Variants in ERC1 observed in about 807,000 individuals in gnomAD.
ERC1 encodes the protein RAB6 interacting protein 2.
A neutral mutation model predicts 132.0 loss-of-function variants in ERC1; 56 were observed. The observed-to-expected ratio is 0.42, with a 90% CI of 0.34 to 0.53. ERC1 has a LOEUF of 0.53. Ranked by LOEUF, ERC1 falls within the 20% of genes least tolerant of loss-of-function variation. The pLI is 0.03. For synonymous variants in ERC1, 478 were observed against 476.1 expected (o/e 1.00, Z -0.05); for missense variants, 1,202 against 1,349.9 (o/e 0.89, Z 1.72).
rs370438183 is a variant in ERC1, at chr12:1,255,374, G to A, written c.2488-7660G>A. On this transcript the variant is annotated intron_variant, in intron 13 of 18. Transcript: ENST00000360905. ...TGGACATTTAGGTTGGTTCCAAGTC[G>A]TTGCTATTGTGAACCGTGCCACAAT... Among the ~76,000 whole-genome samples the A allele has an allele frequency of 1.6e-4, 24 of 152,068 alleles. No homozygotes were observed. In the East Asian group the frequency reaches 4.1e-3, roughly 26 times the overall value.
At chr12:1,394,794 T>G (rs893350710) in intron 16 of ERC1, among the ~76,000 whole-genome samples, 1 of 152,216 alleles carries the variant, frequency 6.6e-6, no homozygotes, top group African/African-American at 2.4e-5. Context: ...CTGAGTCAAT[T>G]GAACCAATTT....
intron 12 of ERC1, among the ~76,000 whole-genome samples, chr12:1,209,717 T>G (rs1045934591): frequency 6.6e-6 from 1 of 152,214 alleles, no homozygotes; most frequent in African/African-American, 2.4e-5. Context: ...TTTTTCTACC[T>G]TTCGAAAAGC....
intron 15 of ERC1, among the ~76,000 whole-genome samples, chr12:1,342,641 A>G (rs765444317): frequency 2.8e-4 from 42 of 152,176 alleles, no homozygotes; most frequent in Non-Finnish European, 5.6e-4. Context: ...GCTAGCTCTT[A>G]AAGGATAAAT....
At chr12:1,131,754 G>A (rs903979878) in intron 7 of ERC1, among the ~76,000 whole-genome samples, 53 of 152,252 alleles carry the variant, frequency 3.5e-4, no homozygotes, top group African/African-American at 1.0e-3. Context: ...GTGAGCCACC[G>A]CGCCCAGCCA....
At chr12:1,465,152 C>T (rs1053495189) in intron 18 of ERC1, among the ~76,000 whole-genome samples, 1 of 152,142 alleles carries the variant, frequency 6.6e-6, no homozygotes, top group African/African-American at 2.4e-5. Flanking sequence ...TCGCCAGTGT[C>T]ATCTTCCAGA....
chr12:1,141,084 C>T (rs1287373462), intron 7 of ERC1, among the ~76,000 whole-genome samples: 3 of 152,126 alleles, frequency 2.0e-5, no homozygotes, highest in African/African-American at 7.2e-5. Flanking sequence ...CATTAAACTT[C>T]AGGGATAAAG....
At chr12:1,288,889 G>T (rs1433835603) in intron 14 of ERC1, among the ~76,000 whole-genome samples, 1 of 152,048 alleles carries the variant, frequency 6.6e-6, no homozygotes, top group African/African-American at 2.4e-5. Flanking sequence ...TGATTTGGTA[G>T]CCACCTGGAA....
chr12:1,020,590 G>T (rs1733399605), intron 1 of ERC1: 1 of 152,208 alleles, frequency 6.6e-6, no homozygotes, highest in Admixed American at 6.5e-5. Context: ...TTCAATTCTT[G>T]ACTGGGATTG....
chr12:1,128,317 T>A (rs1948414749), intron 7 of ERC1, among the ~76,000 whole-genome samples: 1 of 152,204 alleles, frequency 6.6e-6, no homozygotes, highest in Admixed American at 6.5e-5. Flanking sequence ...GAATGGATGA[T>A]CAGATATGAC....
At chr12:1,262,935 G>A in intron 13 of ERC1, 99 bp from the exon 14 acceptor site, 1 of 1,232,814 alleles carries the variant, frequency 8.1e-7, no homozygotes, top group Non-Finnish European at 1.1e-6. Context: ...GCTTCTGATG[G>A]AAAGAACATT....
chr12:1,397,861 A>C (rs1288628113), intron 16 of ERC1, among the ~76,000 whole-genome samples: 1 of 151,850 alleles, frequency 6.6e-6, no homozygotes, highest in African/African-American at 2.4e-5. Flanking sequence ...AAACAAACAG[A>C]AACAAATGAA....
At chr12:1,011,279 A>G (rs1964639408) in intron 1 of ERC1, among the ~76,000 whole-genome samples, 1 of 152,110 alleles carries the variant, frequency 6.6e-6, no homozygotes. Flanking sequence ...GCTCACTCTC[A>G]CAGCAGCCTT....
At chr12:1,368,927 A>G (rs980074985) in intron 15 of ERC1, among the ~76,000 whole-genome samples, 1 of 152,196 alleles carries the variant, frequency 6.6e-6, no homozygotes, top group Non-Finnish European at 1.5e-5. Flanking sequence ...AATCAGTGTC[A>G]GGAGTATACG....
intron 6 of ERC1, among the ~76,000 whole-genome samples, chr12:1,114,745 G>A (rs983484785): frequency 1.3e-5 from 2 of 152,092 alleles, no homozygotes; most frequent in Admixed American, 6.5e-5. Context: ...GTATCCTCAG[G>A]TACTTTGTAT....
At chr12:1,246,595 G>GT (rs1566372633) in intron 13 of ERC1, among the ~76,000 whole-genome samples, 1 of 152,118 alleles carries the variant, frequency 6.6e-6, no homozygotes, top group African/African-American at 2.4e-5. Context: ...TCTCTAAGGT[G>GT]TTTATTTATT....
chr12:1,303,650 T>A (rs937703638), intron 15 of ERC1, among the ~76,000 whole-genome samples: 37 of 142,362 alleles, frequency 2.6e-4, no homozygotes, highest in African/African-American at 3.9e-4. Flanking sequence ...AAAAAAAAAA[T>A]AAATAAATAA....
rs1482163695 is a variant in ERC1 at position 1,290,029 on chromosome 12, T to C, written c.2780+17T>C. On this transcript the variant is annotated intron_variant, in intron 15 of 18. Transcript: ENST00000360905. ...GGAGATGAAGTAAGTGTTTGTAGTC[T>C]TATTCTTCAAGCATATGCTTAGTGG... 3 of 1,609,774 alleles carry C rather than the reference T, an allele frequency of 1.9e-6. No homozygotes were observed. The highest frequency in any genetic ancestry group is 1.1e-5 in the South Asian group (1 of 90,860).
At chr12:1,365,983 T>G (rs923903433) in intron 15 of ERC1, among the ~76,000 whole-genome samples, 79 of 152,180 alleles carry the variant, frequency 5.2e-4, no homozygotes, top group African/African-American at 1.9e-3. Context: ...AAATACTGTT[T>G]GATTTCACTT....
chr12:1,391,582 G>A (rs1287802250), intron 16 of ERC1: 1 of 152,386 alleles, frequency 6.6e-6, no homozygotes, highest in Admixed American at 6.5e-5. Flanking sequence ...GATGGTTGGA[G>A]ATTATAGCCC....
Sources: gnomAD v4.1 joint callset for allele counts (sites outside exome capture counted in the v4.1 genomes callset) on GRCh38, gnomAD v4.1.1 for gene constraint, MANE v1.5 for transcripts, NCBI Gene and HGNC (gene_info 2026-07-23, HGNC 2026-07-21) for gene names.